The following OCIAD1 variants were observed in gnomAD, a reference collection of about 807,000 sequenced individuals.
The protein encoded by OCIAD1 is OCIA domain containing 1, also known as OCIA domain-containing protein 1.
OCIAD1 carries 29 observed loss-of-function variants against 38.9 expected under a neutral mutation model. The observed-to-expected ratio is 0.74, with a 90% CI of 0.55 to 1.02. The LOEUF (loss-of-function observed/expected upper bound fraction) is 1.02. OCIAD1 is among the 50% of genes least tolerant of loss of function. The pLI is 0.00. For missense variants in OCIAD1, 288 were observed against 289.6 expected (o/e 0.99, Z 0.04); for synonymous variants, 110 against 92.0 (o/e 1.20, Z -1.12).
At chr4:48,820,961 TACCAGAGGTACA>T in intron 1 of OCIAD1, among the ~76,000 whole-genome samples, 1 of 152,306 alleles carries the variant, frequency 6.6e-6, no homozygotes, top group African/African-American at 2.4e-5. Flanking sequence ...AGCCGAATTC[TACCAGAGGTACA>T]AGGAGGAGCT....
chr4:48,845,486 G>A (rs1778903070), intron 4 of OCIAD1, among the ~76,000 whole-genome samples: 1 of 152,082 alleles, frequency 6.6e-6, no homozygotes, highest in Non-Finnish European at 1.5e-5. Context: ...TACCTCAGGC[G>A]ATTCCTCTGT....
Position 48,848,434 on chromosome 4 carries a change from C to G in OCIAD1, c.229C>G (p.Pro77Ala). 6.7e-7 allele frequency: 1 copy of G among 1,487,276 alleles called. No homozygotes were observed. The highest frequency in any genetic ancestry group is 9.3e-7 in the Non-Finnish European group (1 of 1,072,956). The allele number at this position is 1,487,276 out of a possible 1,614,324, so 92.1% of individuals were successfully genotyped here. ...LSSHPKYGSI[P>A]KLILACIMGY... ...AAGTCATCCCAAATATGGTTCCATC[C>G]CTAAACTTATACGTAAGTATGAACA... Residue 77 changes from proline (P) to alanine (A), a missense_variant, in exon 5 of 9, where the codon CCT (proline) becomes GCT (alanine). Pro to Ala is a conservative substitution (Grantham distance 27, BLOSUM62 -1). Transcript: ENST00000264312.
At chr4:48,844,352 A>G (rs1381103924) in intron 4 of OCIAD1, among the ~76,000 whole-genome samples, 1 of 152,140 alleles carries the variant, frequency 6.6e-6, no homozygotes, top group Non-Finnish European at 1.5e-5. Context: ...GGGCTACTTG[A>G]GGGTACGGTA....
rs1298451477 is a variant in OCIAD1, at chr4:48,831,357, G to A, written c.-6+108G>A. ...CCTTCCGCCATTTTCCTGCCTGTGA[G>A]GGTGGACAGATCGCGCTCGGGTCTC... is the stretch of plus-strand genomic sequence containing the variant. On this transcript the variant is annotated intron_variant, in intron 1 of 8. Transcript: ENST00000264312. 1.2e-5 allele frequency: 6 copies of A among 505,794 alleles called. No homozygotes were observed. The Admixed American group carries it at 1.2e-4, about 10-fold the overall frequency. The allele number at this position is 505,794 out of a possible 1,614,324, so 31.3% of individuals were successfully genotyped here.
chr4:48,833,950 T>A (rs1777756003), intron 3 of OCIAD1, among the ~76,000 whole-genome samples: 1 of 152,198 alleles, frequency 6.6e-6, no homozygotes, highest in African/African-American at 2.4e-5. Context: ...GTTCCCATTT[T>A]ATCATTGTGA....
At chr4:48,807,337 A>T (rs1302773477) in intron 1 of OCIAD1, among the ~76,000 whole-genome samples, 2 of 152,164 alleles carry the variant, frequency 1.3e-5, no homozygotes, top group East Asian at 3.9e-4. Flanking sequence ...AAAAAAAAAA[A>T]TCTGAGAGGC....
At position 48,823,808 on chromosome 4, in the gene OCIAD1, G is replaced by A. The variant is rs149306576; in HGVS notation, c.-102-6769G>A. Among the ~76,000 whole-genome samples the A allele has an allele frequency of 4.9e-5, 7 of 141,424 alleles. No homozygotes were observed. In the East Asian group the frequency reaches 1.2e-3, roughly 25 times the overall value. The allele number at this position is 141,424 out of a possible 152,430, so 92.8% of individuals were successfully genotyped here. On this transcript the variant is annotated intron_variant, in intron 1 of 6. Coordinates refer to the OCIAD1 transcript ENST00000504654. Reference sequence around the variant, plus strand: ...CTCTAGATTAGCTAGGACTGCAGGGGTGCCACAATGCCTGGCTTTTTTTTT... The same window carrying A: ...CTCTAGATTAGCTAGGACTGCAGGGATGCCACAATGCCTGGCTTTTTTTTT...
At chr4:48,822,147 C>T (rs1777200687) in intron 1 of OCIAD1, among the ~76,000 whole-genome samples, 1 of 152,192 alleles carries the variant, frequency 6.6e-6, no homozygotes, top group Non-Finnish European at 1.5e-5. Flanking sequence ...TCAAACTATA[C>T]TACAAGGCTA....
chr4:48,849,809 C>T (rs1560433975), intron 5 of OCIAD1, 138 bp from the exon 6 acceptor site: 9 of 674,860 alleles, frequency 1.3e-5, no homozygotes, highest in South Asian at 1.2e-4. Context: ...TTTCTTCTAC[C>T]ATTATTTCAG....
At chr4:48,832,320 A>C (rs1218043496) in intron 1 of OCIAD1, among the ~76,000 whole-genome samples, 1 of 152,252 alleles carries the variant, frequency 6.6e-6, no homozygotes, top group African/African-American at 2.4e-5. Flanking sequence ...AGGAGGAAAA[A>C]ATATGTCTGT....
intron 7 of OCIAD1, among the ~76,000 whole-genome samples, chr4:48,852,807 A>G (rs1779607570): frequency 6.6e-6 from 1 of 152,058 alleles, no homozygotes; most frequent in Non-Finnish European, 1.5e-5. Flanking sequence ...TAGAAACGGG[A>G]AATACAGGTC....
Position 48,860,784 on chromosome 4 carries a change from A to T in OCIAD1, c.*22A>T. 6.3e-7 allele frequency: 1 copy of T among 1,582,220 alleles called. No homozygotes were observed. The highest frequency in any genetic ancestry group is 8.7e-7 in the Non-Finnish European group (1 of 1,152,298). On this transcript the variant is annotated 3_prime_UTR_variant, in exon 9 of 9. Transcript: ENST00000264312. ...GTGAAAAATTACATCATTGGACATG[A>T]AGGAGTTTCAACATCCAGCTTCATC...
chr4:48,850,034 T>G lies in OCIAD1; in HGVS notation c.329T>G (p.Leu110Arg), dbSNP rs758786257. The change falls in exon 6 of 9, where the codon CTT becomes CGT. Residue 110 changes from leucine (L) to arginine (R), a missense_variant. Coordinates refer to ENST00000264312, the MANE Select transcript of OCIAD1 (RefSeq NM_017830.4). ...EKFKKLENSPLGEALRSGQAR... is the reference protein window; with the variant it reads ...EKFKKLENSPRGEALRSGQAR... Reference sequence around the variant, plus strand: ...TTCAAGAAACTTGAAAATTCCCCCCTTGGAGAAGCTTTACGATCAGGACAA... The same window carrying G: ...TTCAAGAAACTTGAAAATTCCCCCCGTGGAGAAGCTTTACGATCAGGACAA... 2.5e-6 allele frequency: 4 copies of G among 1,613,412 alleles called. No individual in the cohort carries two copies. The highest frequency in any genetic ancestry group is 3.4e-6 in the Non-Finnish European group (4 of 1,179,844).
chr4:48,822,609 C>T (rs1227115326), intron 1 of OCIAD1, among the ~76,000 whole-genome samples: 4 of 152,124 alleles, frequency 2.6e-5, no homozygotes, highest in Admixed American at 6.5e-5. Context: ...GAACAGGCAA[C>T]CTACAGAATG....
At chr4:48,845,792 T>C (rs1247354159) in intron 4 of OCIAD1, among the ~76,000 whole-genome samples, 1 of 152,246 alleles carries the variant, frequency 6.6e-6, no homozygotes, top group Non-Finnish European at 1.5e-5. Context: ...CTATCCCTTA[T>C]CTGCCTTGTC....
rs181383232 is a variant in OCIAD1, at chr4:48,810,394, G to A, written c.-103+5064G>A. ...CGAGGCAGGAGAATGGCGTGAACCCGGGAGGTGGAGCTTGCAGTGAGCCAA... is the reference window on the plus strand; with the variant it reads ...CGAGGCAGGAGAATGGCGTGAACCCAGGAGGTGGAGCTTGCAGTGAGCCAA... On this transcript the variant is annotated intron_variant, in intron 1 of 6. Coordinates refer to the OCIAD1 transcript ENST00000504654. 3.4e-4 allele frequency among the ~76,000 whole-genome samples: 52 copies of A among 150,982 alleles called. No homozygotes were observed. The East Asian group carries it at 8.8e-3, about 26-fold the overall frequency.
intron 2 of OCIAD1, among the ~76,000 whole-genome samples, chr4:48,833,067 A>G (rs1183587420): frequency 6.6e-6 from 1 of 152,138 alleles, no homozygotes; most frequent in Non-Finnish European, 1.5e-5. Flanking sequence ...CCTGGCTAAC[A>G]TGGTGAAACC....
chr4:48,856,887 G>A (rs1780087018), intron 7 of OCIAD1: 1 of 158,302 alleles, frequency 6.3e-6, no homozygotes, highest in African/African-American at 2.4e-5. Flanking sequence ...AGTAACTCCA[G>A]TTTAAAACAC....
intron 3 of OCIAD1, among the ~76,000 whole-genome samples, chr4:48,834,384 C>G (rs1777792385): frequency 6.6e-6 from 1 of 152,216 alleles, no homozygotes; most frequent in Non-Finnish European, 1.5e-5. Flanking sequence ...GTTGGCCAGG[C>G]TGGTCTTGAA....
Sources: gnomAD v4.1 joint callset for allele counts (sites outside exome capture counted in the v4.1 genomes callset) on GRCh38, gnomAD v4.1.1 for gene constraint, MANE v1.5 for transcripts, NCBI Gene and HGNC (gene_info 2026-07-23, HGNC 2026-07-21) for gene names.